The following PCDHA5 variants were observed in gnomAD, a reference collection of about 807,000 sequenced individuals.
PCDHA5 encodes protocadherin alpha 5, also known as protocadherin alpha-5.
PCDHA5 carries 43 observed loss-of-function variants against 61.6 expected under a neutral mutation model. The ratio of observed to expected loss-of-function variants is 0.70; its 90% CI spans 0.55 to 0.90. The LOEUF (loss-of-function observed/expected upper bound fraction) is 0.90, where lower values mean the gene tolerates loss of function less well. Ranked by LOEUF, PCDHA5 falls within the 40% of genes least tolerant of loss-of-function variation. PCDHA5 has a pLI of 0.00. For missense variants in PCDHA5, 1,298 were observed against 1,222.7 expected (o/e 1.06, Z -0.92); for synonymous variants, 627 against 543.9 (o/e 1.15, Z -2.13).
intron 1 of PCDHA5, among the ~76,000 whole-genome samples, chr5:140,932,779 G>T (rs556279743): frequency 3.9e-5 from 6 of 151,910 alleles, no homozygotes; most frequent in Non-Finnish European, 8.9e-5. Context: ...TAATTTGAGT[G>T]GACATAAGAG....
chr5:140,981,101 G>A (rs1484209084), intron 2 of PCDHA5, among the ~76,000 whole-genome samples: 1 of 152,196 alleles, frequency 6.6e-6, no homozygotes, highest in Non-Finnish European at 1.5e-5. Flanking sequence ...TTTAATGAGT[G>A]AATTTCTACT....
chr5:140,823,515 G>A lies in PCDHA5; in HGVS notation c.1740G>A (p.Val580=). The change falls in exon 1 of 4, where the codon GTG becomes GTA. Residue 580 remains valine (V), a synonymous_variant. Coordinates refer to ENST00000529859, the MANE Select transcript of PCDHA5 (RefSeq NM_018908.3). ...CCGGCGGCGCAGTGAGCGAGCTGGT[G>A]CCGAGGTCAGTGGGTGCGGGCCACG... is the stretch of plus-strand genomic sequence containing the variant. The part of the protein sequence containing the change: ...GGTGGAVSEL[V]PRSVGAGHVV... 1 of 1,613,500 alleles carries A rather than the reference G, an allele frequency of 6.2e-7. No individual in the cohort carries two copies. The highest frequency in any genetic ancestry group is 8.5e-7 in the Non-Finnish European group (1 of 1,179,718).
chr5:140,863,001 C>A, intron 1 of PCDHA5: 1 of 550,202 alleles, frequency 1.8e-6, no homozygotes, highest in South Asian at 1.4e-5. Context: ...ACGGTGGACT[C>A]CAGCTATGAC....
chr5:140,842,502 C>T, intron 1 of PCDHA5: 1 of 1,613,826 alleles, frequency 6.2e-7, no homozygotes, highest in South Asian at 1.1e-5. Context: ...CCCCATGTCC[C>T]CTTCAAGCTG....
chr5:140,836,673 C>G (rs2150267482), intron 1 of PCDHA5: 2 of 1,613,246 alleles, frequency 1.2e-6, no homozygotes, highest in Non-Finnish European at 8.5e-7. Flanking sequence ...TGGGGAGGGC[C>G]CACCCAAGAC....
intron 1 of PCDHA5, among the ~76,000 whole-genome samples, chr5:140,897,304 G>C (rs1297881439): frequency 1.7e-4 from 25 of 150,768 alleles, no homozygotes; most frequent in African/African-American, 6.1e-4. Flanking sequence ...TTTAGCATTA[G>C]GTATATCTCC....
At chr5:140,896,090 C>T (rs1312909051) in intron 1 of PCDHA5, among the ~76,000 whole-genome samples, 2 of 152,152 alleles carry the variant, frequency 1.3e-5, no homozygotes, top group African/African-American at 4.8e-5. Flanking sequence ...GGATTACAGG[C>T]GTGAGCCACT....
chr5:140,969,331 G>A, intron 1 of PCDHA5: 1 of 1,614,042 alleles, frequency 6.2e-7, no homozygotes, highest in Non-Finnish European at 8.5e-7. Context: ...CTCAAAATGA[G>A]GTGAGACAGT....
intron 2 of PCDHA5, among the ~76,000 whole-genome samples, chr5:140,979,404 C>T (rs2096848893): frequency 6.6e-6 from 1 of 151,980 alleles, no homozygotes; most frequent in Non-Finnish European, 1.5e-5. Context: ...ATGTTGTCTA[C>T]CTTGTTTTTT....
intron 1 of PCDHA5, chr5:140,824,729 AGATTAC>A (rs1554130046): frequency 6.7e-6 from 1 of 149,846 alleles, no homozygotes; most frequent in African/African-American, 2.5e-5. Context: ...CGAAGTACTA[AGATTAC>A]AGGATTGAGC....
chr5:140,946,631 T>TATATATATATATATATATAC lies in PCDHA5; in HGVS notation c.2353-32317_2353-32316insTATATATATATATATATACA, dbSNP rs57893927. ...TGTGAAATATATATATATATATATA[T>TATATATATATATATATATAC]ACAATGGAATACTCATCAGCCATTA... On this transcript the variant is annotated intron_variant, in intron 1 of 3. Transcript: ENST00000529859. Among the ~76,000 whole-genome samples, 543 of 131,742 alleles carry TATATATATATATATATATAC rather than the reference T, an allele frequency of 4.1e-3. 35 individuals are homozygous for TATATATATATATATATATAC. Among genetic ancestry groups the TATATATATATATATATATAC allele is most frequent in the African/African-American group, 0.018 (501 of 28,614 alleles). The allele number at this position is 131,742 out of a possible 152,430, so 86.4% of individuals were successfully genotyped here.
At chr5:140,881,239 A>G in intron 1 of PCDHA5, 1 of 370,812 alleles carries the variant, frequency 2.7e-6, no homozygotes. Flanking sequence ...AGTCAATTTA[A>G]ATGACGGCAA....
rs782133089 is a variant in PCDHA5, at chr5:140,924,894, C to CA, written c.2353-54044dup. Among the ~76,000 whole-genome samples, 369 of 71,492 alleles carry CA rather than the reference C, an allele frequency of 5.2e-3. 5 individuals carry two copies. The South Asian group carries it at 0.07, about 14-fold the overall frequency. 46.9% of individuals were successfully genotyped at this position (71,492 alleles called of 152,430 possible). ...TGGGTGACAGAGCAAGAACCTGTCT[C>CA]AAAAAAAAAAATAAAATAAAATAAA... is the stretch of plus-strand genomic sequence containing the variant. On this transcript the variant is annotated intron_variant, in intron 1 of 3. Coordinates refer to ENST00000529859, the MANE Select transcript of PCDHA5 (RefSeq NM_018908.3).
At chr5:140,974,109 T>A (rs192229356) in intron 1 of PCDHA5, among the ~76,000 whole-genome samples, 366 of 152,368 alleles carry the variant, frequency 2.4e-3, no homozygotes, top group Non-Finnish European at 3.7e-3. Context: ...AAAAGTATTC[T>A]TTTGCAGTGT....
chr5:140,871,332 G>T (rs1182944600), intron 1 of PCDHA5: 6 of 1,614,146 alleles, frequency 3.7e-6, no homozygotes, highest in South Asian at 1.1e-5. Flanking sequence ...GCTCCCGCGC[G>T]GTGGGGAGCT....
chr5:140,871,447 G>A, intron 1 of PCDHA5: 1 of 1,609,656 alleles, frequency 6.2e-7, no homozygotes, highest in Non-Finnish European at 8.5e-7. Context: ...TCTGAATAAA[G>A]AGGAGGAAGG....
At chr5:140,834,377 A>G (rs1445346495) in intron 1 of PCDHA5, 1 of 1,562,428 alleles carries the variant, frequency 6.4e-7, no homozygotes, top group Non-Finnish European at 8.7e-7. Flanking sequence ...CAAGCCAATA[A>G]TTTGAAATGG....
intron 1 of PCDHA5, among the ~76,000 whole-genome samples, chr5:140,933,464 A>G (rs1257783133): frequency 1.3e-5 from 2 of 152,074 alleles, no homozygotes; most frequent in African/African-American, 4.8e-5. Flanking sequence ...TATACTCTGA[A>G]TTCAAACACA....
intron 1 of PCDHA5, 140 bp downstream of exon 1, chr5:140,824,267 G>A (rs1768069151): frequency 2.4e-6 from 3 of 1,253,012 alleles, no homozygotes; most frequent in Admixed American, 3.7e-5. Context: ...ACTAATTCAT[G>A]TATTATATGC....
Sources: allele counts gnomAD v4.1 joint callset (sites outside exome capture counted in the v4.1 genomes callset), GRCh38; gene constraint gnomAD v4.1.1; transcripts MANE v1.5; gene names NCBI Gene and HGNC (gene_info 2026-07-23, HGNC 2026-07-21).